The following DNAH5 variants were observed in gnomAD, a reference collection of about 807,000 sequenced individuals.
The protein encoded by DNAH5 is dynein axonemal heavy chain 5, also known as axonemal beta dynein heavy chain 5.
DNAH5 carries 372 observed loss-of-function variants against 518.2 expected under a neutral mutation model. The ratio of observed to expected loss-of-function variants is 0.72; its 90% CI spans 0.66 to 0.78. The LOEUF (loss-of-function observed/expected upper bound fraction) is 0.78. Ranked by LOEUF, DNAH5 falls within the 30% of genes least tolerant of loss-of-function variation. The pLI is 0.00. For synonymous variants in DNAH5, 2,039 were observed against 2,025.9 expected (o/e 1.01, Z -0.17); for missense variants, 5,523 against 5,687.0 (o/e 0.97, Z 0.93).
At chr5:14,010,710 A>G (rs1300212101) in intron 1 of DNAH5, among the ~76,000 whole-genome samples, 1 of 152,224 alleles carries the variant, frequency 6.6e-6, no homozygotes, top group African/African-American at 2.4e-5. Flanking sequence ...ATAAAAGGAT[A>G]CACACAAAAA....
At chr5:13,842,490 A>AACAG (rs1765419878) in intron 32 of DNAH5, among the ~76,000 whole-genome samples, 1 of 107,854 alleles carries the variant, frequency 9.3e-6, no homozygotes, top group Non-Finnish European at 1.9e-5. Flanking sequence ...AAAGAGAAAG[A>AACAG]AAAGAAAGAA....
intron 15 of DNAH5, 99 bp from the exon 16 acceptor site, chr5:13,894,920 C>A: frequency 7.3e-7 from 1 of 1,368,240 alleles, no homozygotes; most frequent in Non-Finnish European, 1.0e-6. Context: ...TATTTAGGGT[C>A]AAACTGTAGG....
At chr5:13,806,284 T>A (rs989955986) in intron 47 of DNAH5, among the ~76,000 whole-genome samples, 2 of 152,138 alleles carry the variant, frequency 1.3e-5, no homozygotes, top group African/African-American at 4.8e-5. Context: ...GGGTTGACCA[T>A]CCATCCAGAT....
intron 17 of DNAH5, among the ~76,000 whole-genome samples, chr5:13,889,021 C>A (rs1433440539): frequency 6.6e-6 from 1 of 151,976 alleles, no homozygotes; most frequent in Non-Finnish European, 1.5e-5. Context: ...TATTTTGTGA[C>A]GAAATGTTAA....
At chr5:13,710,741 T>C (rs917143420) in intron 75 of DNAH5, among the ~76,000 whole-genome samples, 7 of 152,124 alleles carry the variant, frequency 4.6e-5, no homozygotes, top group African/African-American at 1.4e-4. Flanking sequence ...TGAACACCTT[T>C]ACACACATAA....
intron 47 of DNAH5, among the ~76,000 whole-genome samples, chr5:13,806,179 G>A (rs1419699756): frequency 2.0e-5 from 3 of 152,094 alleles, no homozygotes; most frequent in Admixed American, 6.6e-5. Flanking sequence ...CGGTATTAAA[G>A]GAACACATAT....
At chr5:13,921,466 ATC>A (rs147710238) in intron 5 of DNAH5, among the ~76,000 whole-genome samples, 18 of 72,942 alleles carry the variant, frequency 2.5e-4, no homozygotes, top group African/African-American at 8.2e-4. Flanking sequence ...CTCTTGCTCT[ATC>A]TCTCTCTCAC....
intron 22 of DNAH5, among the ~76,000 whole-genome samples, chr5:13,872,062 G>A (rs1770195346): frequency 6.6e-6 from 1 of 152,078 alleles, no homozygotes; most frequent in African/African-American, 2.4e-5. Flanking sequence ...GTTGGAGCTG[G>A]GCCTTAGATC....
chr5:13,782,177 G>T (rs143568203), intron 52 of DNAH5, among the ~76,000 whole-genome samples: 54 of 152,266 alleles, frequency 3.5e-4, no homozygotes, highest in African/African-American at 1.1e-3. Flanking sequence ...AATGATAGAG[G>T]CTGGGCAGGG....
intron 65 of DNAH5, among the ~76,000 whole-genome samples, chr5:13,745,388 A>C (rs1749192234): frequency 6.6e-6 from 1 of 152,222 alleles, no homozygotes; most frequent in Non-Finnish European, 1.5e-5. Flanking sequence ...TGCATTTAAA[A>C]TGACTGTTTT....
At chr5:13,695,059 T>C (rs1407803364) in intron 78 of DNAH5, among the ~76,000 whole-genome samples, 3 of 152,176 alleles carry the variant, frequency 2.0e-5, no homozygotes, top group Non-Finnish European at 2.9e-5. Context: ...ATCCGTGGCC[T>C]CTCCGCTTCA....
intron 66 of DNAH5, among the ~76,000 whole-genome samples, chr5:13,736,914 C>T (rs997671852): frequency 2.0e-5 from 3 of 152,162 alleles, no homozygotes; most frequent in Admixed American, 1.3e-4. Context: ...TGTTACCAAA[C>T]GATAAATAAC....
rs1763426938 is a variant in DNAH5 at position 13,830,029 on chromosome 5, G to A, written c.6246C>T (p.Thr2082=). The stretch of plus-strand genomic sequence containing the variant: ...AGCTTTTCTAGCAGCTCCTTACCAT[G>A]GTTAAGAAAAGCCCAAATTCAGGGT... The part of the protein sequence containing the change: ...TMNPEFGLFL[T]MNPGYAGRQE... Residue 2082 remains threonine, a synonymous_variant, in exon 37 of 79, where the codon ACC becomes ACT. Transcript: ENST00000265104. The A allele has an allele frequency of 1.2e-6, 2 of 1,613,304 alleles. No individual in the cohort carries two copies. Among genetic ancestry groups the A allele is most frequent in the African/African-American group, 2.7e-5 (2 of 74,892 alleles).
In DNAH5 at chr5:13,715,638, G is replaced by A. The variant is rs182124505; in HGVS notation, c.12909+849C>T. Among the ~76,000 whole-genome samples the A allele has an allele frequency of 1.7e-3, 260 of 152,234 alleles. 1 individual carries two copies. The highest frequency in any genetic ancestry group is 2.9e-3 in the Non-Finnish European group (199 of 68,014). ...TTTGTTTACTCTGAGATAAATCTTC[G>A]ATAGAGACCAAAGAGACTGCTAAAT... On this transcript the variant is annotated intron_variant, in intron 74 of 78. Coordinates refer to ENST00000265104, the MANE Select transcript of DNAH5 (RefSeq NM_001369.3).
intron 50 of DNAH5, among the ~76,000 whole-genome samples, chr5:13,791,568 T>C (rs1756993184): frequency 6.6e-6 from 1 of 152,206 alleles, no homozygotes; most frequent in Admixed American, 6.5e-5. Flanking sequence ...AATGGGTTTT[T>C]TAATTTTGAA....
intron 1 of DNAH5, among the ~76,000 whole-genome samples, chr5:13,957,756 A>G (rs1447698344): frequency 1.3e-5 from 2 of 151,734 alleles, no homozygotes; most frequent in African/African-American, 4.8e-5. Flanking sequence ...TTAAAATGTA[A>G]CATCATCTTT....
chr5:14,003,654 A>G (rs1207473846), intron 1 of DNAH5, among the ~76,000 whole-genome samples: 1 of 152,210 alleles, frequency 6.6e-6, no homozygotes, highest in Non-Finnish European at 1.5e-5. Context: ...CCACTTCTCA[A>G]TGCAGAGTGG....
At chr5:13,714,306 T>A in intron 75 of DNAH5, 99 bp downstream of exon 75, 1 of 1,293,116 alleles carries the variant, frequency 7.7e-7, no homozygotes, top group Non-Finnish European at 1.1e-6. Flanking sequence ...TTTTTTAATT[T>A]CAGGAAAATC....
intron 1 of DNAH5, among the ~76,000 whole-genome samples, chr5:13,975,045 G>A (rs577251358): frequency 1.3e-5 from 2 of 152,204 alleles, no homozygotes; most frequent in South Asian, 4.1e-4. Flanking sequence ...AGGCAGAACT[G>A]TAGGGGCGTT....
Sources: gnomAD v4.1 joint callset for allele counts (sites outside exome capture counted in the v4.1 genomes callset) on GRCh38, gnomAD v4.1.1 for gene constraint, MANE v1.5 for transcripts, NCBI Gene and HGNC (gene_info 2026-07-23, HGNC 2026-07-21) for gene names.